Variants in SHC4 observed in about 807,000 individuals in gnomAD.
The protein encoded by SHC4 is SHC adaptor protein 4.
A neutral mutation model predicts 69.4 loss-of-function variants in SHC4; 41 were observed. The ratio of observed to expected loss-of-function variants is 0.59; its 90% CI spans 0.46 to 0.77. The LOEUF (loss-of-function observed/expected upper bound fraction) is 0.77. SHC4 is among the 30% of genes least tolerant of loss of function. The probability of loss-of-function intolerance (pLI) is 0.00; values close to 1 mark genes in which losing one functional copy is unlikely to be tolerated. For missense variants in SHC4, 777 were observed against 783.8 expected, an observed-to-expected ratio of 0.99 and a Z score of 0.10; for synonymous variants, 318 against 299.3, an observed-to-expected ratio of 1.06 and a Z score of -0.64.
intron 4 of SHC4, among the ~76,000 whole-genome samples, chr15:48,883,489 T>C (rs1478325591): frequency 1.3e-5 from 2 of 152,186 alleles, no homozygotes; most frequent in African/African-American, 2.4e-5. Flanking sequence ...AAACCTTAAG[T>C]GTAAAGAAAC....
intron 11 of SHC4, among the ~76,000 whole-genome samples, chr15:48,834,031 A>G (rs1898856161): frequency 1.3e-5 from 2 of 152,146 alleles, no homozygotes; most frequent in South Asian, 2.1e-4. Context: ...CACCACTCAC[A>G]TGGGCTTTGA....
chr15:48,890,359 A>C (rs1049984713), intron 3 of SHC4, among the ~76,000 whole-genome samples: 1 of 152,226 alleles, frequency 6.6e-6, no homozygotes, highest in Non-Finnish European at 1.5e-5. Context: ...TGCAGAATAC[A>C]TACATTATAA....
chr15:48,937,401 G>A (rs1013232645), intron 1 of SHC4, among the ~76,000 whole-genome samples: 16 of 152,106 alleles, frequency 1.1e-4, no homozygotes, highest in African/African-American at 3.9e-4. Context: ...GATTCTCAGA[G>A]GTTCAATGCT....
chr15:48,920,753 A>G (rs1900737776), intron 2 of SHC4, among the ~76,000 whole-genome samples: 2 of 152,134 alleles, frequency 1.3e-5, no homozygotes, highest in Non-Finnish European at 2.9e-5. Flanking sequence ...ATCAAGATAT[A>G]TATATGATGT....
At chr15:48,948,653 C>T (rs11856758) in intron 1 of SHC4, among the ~76,000 whole-genome samples, 30,486 of 152,228 alleles carry the variant, frequency 0.2, 3,855 homozygotes, top group Non-Finnish European at 0.28. Context: ...CGCCTGTAAT[C>T]CCAACACTTT....
At chr15:48,848,001 TA>T (rs571529935) in intron 9 of SHC4, among the ~76,000 whole-genome samples, 167 of 99,790 alleles carry the variant, frequency 1.7e-3, no homozygotes, top group Middle Eastern at 6.3e-3. Flanking sequence ...AAACTCCGTC[TA>T]AAAAAAAAAA....
intron 10 of SHC4, among the ~76,000 whole-genome samples, chr15:48,837,750 T>C (rs1898924515): frequency 6.6e-6 from 1 of 152,102 alleles, no homozygotes; most frequent in Non-Finnish European, 1.5e-5. Flanking sequence ...TAAAGACATA[T>C]TGTTCACAAT....
At chr15:48,946,106 C>T (rs1038789234) in intron 1 of SHC4, 1 of 152,156 alleles carries the variant, frequency 6.6e-6, no homozygotes, top group Non-Finnish European at 1.5e-5. Context: ...ACTAAATGAG[C>T]TTTACTGTGT....
intron 1 of SHC4, among the ~76,000 whole-genome samples, chr15:48,948,564 T>C (rs1471336377): frequency 1.3e-5 from 2 of 152,354 alleles, no homozygotes; most frequent in East Asian, 3.9e-4. Flanking sequence ...ATGGCACCTG[T>C]ATATTGCAAT....
At chr15:48,891,421 T>C (rs2141006326) in intron 2 of SHC4, among the ~76,000 whole-genome samples, 1 of 152,318 alleles carries the variant, frequency 6.6e-6, no homozygotes, top group East Asian at 1.9e-4. Flanking sequence ...CCTTCCTATA[T>C]ATTGCACTTC....
At position 48,856,120 on chromosome 15, in the gene SHC4, C is replaced by T; in HGVS notation, c.1075G>A (p.Glu359Lys). 6.2e-7 allele frequency: 1 copy of T among 1,610,296 alleles called. No individual in the cohort carries two copies. Among genetic ancestry groups the T allele is most frequent in the Non-Finnish European group, 8.5e-7 (1 of 1,178,292 alleles). ...TCGGCATGGCTATCAATATGCACCTCCTCACTGTGAAGGAAAAAAGAATCC... is the reference window on the plus strand; with the variant it reads ...TCGGCATGGCTATCAATATGCACCTTCTCACTGTGAAGGAAAAAAGAATCC... The part of the protein sequence containing the change: ...PSLNTSCESE[E>K]VHIDSHAEER... Residue 359 changes from glutamate (E) to lysine (K), a missense_variant, in exon 8 of 12, where the codon GAG becomes AAG. Physicochemically the swap from Glu to Lys is moderately conservative, Grantham distance 56 (BLOSUM62 1). Coordinates refer to ENST00000332408, the MANE Select transcript of SHC4 (RefSeq NM_203349.4).
intron 4 of SHC4, chr15:48,878,143 G>A (rs1317841326): frequency 2.0e-6 from 3 of 1,518,886 alleles, no homozygotes; most frequent in Non-Finnish European, 1.8e-6. Flanking sequence ...TGTCTTGCTG[G>A]AAGCTTTTTC....
At chr15:48,845,635 C>T (rs1380489542) in intron 9 of SHC4, among the ~76,000 whole-genome samples, 5 of 152,082 alleles carry the variant, frequency 3.3e-5, no homozygotes, top group South Asian at 2.1e-4. Flanking sequence ...AGCTTATAAA[C>T]GAGAATGATC....
chr15:48,927,438 C>G (rs1426410273), intron 1 of SHC4, among the ~76,000 whole-genome samples: 1 of 152,222 alleles, frequency 6.6e-6, no homozygotes, highest in African/African-American at 2.4e-5. Flanking sequence ...GTGATATCAA[C>G]TGGCCCATCC....
intron 3 of SHC4, among the ~76,000 whole-genome samples, chr15:48,888,355 C>T (rs1900074185): frequency 6.6e-6 from 1 of 152,114 alleles, no homozygotes; most frequent in African/African-American, 2.4e-5. Context: ...GTGAATTAAG[C>T]CAGTCATAAA....
intron 2 of SHC4, among the ~76,000 whole-genome samples, chr15:48,902,678 G>C (rs1032815044): frequency 2.0e-5 from 3 of 152,052 alleles, no homozygotes; most frequent in African/African-American, 7.2e-5. Context: ...GACCTGACTG[G>C]TCAATATGGG....
At chr15:48,927,308 G>T (rs1418726824) in intron 1 of SHC4, among the ~76,000 whole-genome samples, 3 of 151,986 alleles carry the variant, frequency 2.0e-5, no homozygotes, top group African/African-American at 7.2e-5. Context: ...GGAAAGAGTG[G>T]ACTCCCCACA....
intron 9 of SHC4, among the ~76,000 whole-genome samples, chr15:48,845,340 GT>G (rs1323729810): frequency 6.6e-6 from 1 of 152,150 alleles, no homozygotes; most frequent in Non-Finnish European, 1.5e-5. Flanking sequence ...TCTGTCAGCT[GT>G]TACATGTCAT....
chr15:48,946,890 T>A (rs1051434947), intron 1 of SHC4, among the ~76,000 whole-genome samples: 2 of 152,188 alleles, frequency 1.3e-5, no homozygotes, highest in Non-Finnish European at 2.9e-5. Flanking sequence ...GGATTAACAT[T>A]TTTTAAAACT....
Sources: allele counts gnomAD v4.1 joint callset (sites outside exome capture counted in the v4.1 genomes callset), GRCh38; gene constraint gnomAD v4.1.1; transcripts MANE v1.5; gene names NCBI Gene and HGNC (gene_info 2026-07-23, HGNC 2026-07-21).